Variants in PTPRN2 observed in about 807,000 individuals in gnomAD.
PTPRN2 encodes the protein protein tyrosine phosphatase receptor type N2, also known as receptor-type tyrosine-protein phosphatase N2.
Under a neutral mutation model 118.8 loss-of-function variants are expected in PTPRN2, and 74 were observed. The observed-to-expected ratio is 0.62, with a 90% CI of 0.52 to 0.76. The LOEUF (loss-of-function observed/expected upper bound fraction) is 0.76, where lower values mean the gene tolerates loss of function less well. Among genes scored for constraint, PTPRN2 ranks in the 30% least tolerant of loss-of-function variants. The pLI is 0.00. For synonymous variants in PTPRN2, 641 were observed against 608.0 expected, an observed-to-expected ratio of 1.05 and a Z score of -0.80; for missense variants, 1,481 against 1,394.4, an observed-to-expected ratio of 1.06 and a Z score of -0.99.
At chr7:157,888,058 G>GC (rs981748241) in intron 12 of PTPRN2, among the ~76,000 whole-genome samples, 13 of 43,212 alleles carry the variant, frequency 3.0e-4, no homozygotes, top group Middle Eastern at 0.018. Flanking sequence ...ACGCTGTCTT[G>GC]GGGGGTGTGA....
intron 12 of PTPRN2, among the ~76,000 whole-genome samples, chr7:157,828,265 G>A (rs1209236529): frequency 6.6e-6 from 1 of 152,234 alleles, no homozygotes; most frequent in African/African-American, 2.4e-5. Context: ...TGCCCCTGCT[G>A]TAGGCTGTAG....
intron 2 of PTPRN2, among the ~76,000 whole-genome samples, chr7:158,341,340 C>T (rs1219507487): frequency 4.0e-5 from 6 of 151,538 alleles, no homozygotes; most frequent in African/African-American, 1.2e-4. Flanking sequence ...CACACCCACA[C>T]TCTCACCATA....
intron 2 of PTPRN2, among the ~76,000 whole-genome samples, chr7:158,318,155 C>G (rs1204145830): frequency 6.6e-6 from 1 of 152,266 alleles, no homozygotes; most frequent in African/African-American, 2.4e-5. Context: ...CCGGCGCCCC[C>G]CACCGTCCGT....
At chr7:158,026,818 C>T (rs1015903329) in intron 11 of PTPRN2, among the ~76,000 whole-genome samples, 6 of 152,170 alleles carry the variant, frequency 3.9e-5, no homozygotes, top group African/African-American at 1.4e-4. Context: ...TGCAAGGAGG[C>T]CCCATCAAGA....
At chr7:158,558,989 G>C (rs1260765124) in intron 1 of PTPRN2, among the ~76,000 whole-genome samples, 2 of 152,102 alleles carry the variant, frequency 1.3e-5, no homozygotes, top group African/African-American at 2.4e-5. Flanking sequence ...GCAGCAGGGA[G>C]GGGCCACACT....
At chr7:158,054,310 GA>G (rs1420727630) in intron 11 of PTPRN2, among the ~76,000 whole-genome samples, 1 of 152,208 alleles carries the variant, frequency 6.6e-6, no homozygotes, top group Non-Finnish European at 1.5e-5. Context: ...AGACCAAGAA[GA>G]AAACTGCTGA....
intron 1 of PTPRN2, among the ~76,000 whole-genome samples, chr7:158,587,215 C>A (rs1829001309): frequency 7.7e-6 from 1 of 130,088 alleles, no homozygotes; most frequent in Non-Finnish European, 1.7e-5. Context: ...GGCGCCCCTT[C>A]CCCCACGCCC....
intron 3 of PTPRN2, among the ~76,000 whole-genome samples, chr7:158,280,640 C>T (rs566319836): frequency 7.2e-5 from 11 of 152,334 alleles, no homozygotes; most frequent in African/African-American, 1.7e-4. Context: ...GGGAGCCGGA[C>T]GGGTGCGGCC....
intron 2 of PTPRN2, among the ~76,000 whole-genome samples, chr7:158,447,984 C>T (rs1817844000): frequency 6.6e-6 from 1 of 152,242 alleles, no homozygotes; most frequent in Non-Finnish European, 1.5e-5. Flanking sequence ...TCATCGTCAG[C>T]CCGAGGATGC....
chr7:158,287,736 T>G (rs1232282590), intron 3 of PTPRN2, among the ~76,000 whole-genome samples: 5 of 152,170 alleles, frequency 3.3e-5, no homozygotes, highest in Non-Finnish European at 7.4e-5. Context: ...TGTGGCATAA[T>G]GTGATCTATC....
At chr7:157,775,594 C>T (rs777850121) in intron 12 of PTPRN2, among the ~76,000 whole-genome samples, 32 of 152,306 alleles carry the variant, frequency 2.1e-4, no homozygotes, top group East Asian at 3.9e-4. Context: ...CCTCGGGAGC[C>T]GGCGCTCACA....
At chr7:158,568,248 CTAATAA>C (rs746617021) in intron 1 of PTPRN2, among the ~76,000 whole-genome samples, 8 of 151,910 alleles carry the variant, frequency 5.3e-5, no homozygotes, top group African/African-American at 1.7e-4. Context: ...GAGACTCTGT[CTAATAA>C]TAATAATAAT....
chr7:157,782,389 G>A (rs1241204943), intron 12 of PTPRN2, among the ~76,000 whole-genome samples: 4 of 152,234 alleles, frequency 2.6e-5, no homozygotes, highest in Non-Finnish European at 5.9e-5. Context: ...GTCTGGGAGG[G>A]CCGGTTTGGC....
chr7:157,881,743 TA>T lies in PTPRN2; in HGVS notation c.1788+16929del, dbSNP rs34531048. Among the ~76,000 whole-genome samples the T allele has an allele frequency of 0.19, 28,438 of 146,150 alleles. 2,720 individuals carry two copies. The highest frequency in any genetic ancestry group is 0.28 in the South Asian group (1,276 of 4,612). On this transcript the variant is annotated intron_variant, in intron 12 of 22. Transcript: ENST00000389418. This position sits in a 1 kb window ranked among gnomAD's most constrained non-coding sequence, Gnocchi z 4.7. ...TGTTCTTTTTGCTTTATGATCTCATTAAAAAAAAAAAAATAGATTGGCACTT... is the reference window on the plus strand; with the variant it reads ...TGTTCTTTTTGCTTTATGATCTCATTAAAAAAAAAAAATAGATTGGCACTT...
At chr7:157,989,275 T>C (rs770709418) in intron 11 of PTPRN2, among the ~76,000 whole-genome samples, 25 of 151,944 alleles carry the variant, frequency 1.6e-4, no homozygotes, top group Non-Finnish European at 2.8e-4. Flanking sequence ...AAAGTTAAGC[T>C]AGGCGTGGTG....
chr7:158,074,206 C>T (rs1054583635), intron 11 of PTPRN2, among the ~76,000 whole-genome samples: 1 of 152,312 alleles, frequency 6.6e-6, no homozygotes, highest in Middle Eastern at 3.4e-3. Context: ...GGGTACAGGG[C>T]CTTCTGCTGG....
Position 157,903,915 on chromosome 7 carries a change from A to T in PTPRN2, c.1724-5178T>A, listed in dbSNP as rs1225356394. ...AGGACCACGTGGGAGCCTCTGAGCC[A>T]GCATGGCCCAGGTCTCAGCACACAG... On this transcript the variant is annotated intron_variant, in intron 11 of 22. Coordinates refer to ENST00000389418, the MANE Select transcript of PTPRN2 (RefSeq NM_002847.5). The surrounding 1 kb of genome is among the most constrained non-coding windows in gnomAD (Gnocchi z 4.2). Among the ~76,000 whole-genome samples the T allele has an allele frequency of 6.6e-6, 1 of 152,202 alleles. No individual in the cohort carries two copies. The highest frequency in any genetic ancestry group is 2.4e-5 in the African/African-American group (1 of 41,458).
intron 19 of PTPRN2, among the ~76,000 whole-genome samples, chr7:157,575,171 C>T (rs1000444994): frequency 1.3e-5 from 2 of 152,084 alleles, no homozygotes; most frequent in African/African-American, 4.8e-5. Flanking sequence ...ACTGGATGAA[C>T]GCAAAGACGG....
chr7:158,050,655 C>G (rs1359932214), intron 11 of PTPRN2, among the ~76,000 whole-genome samples: 1 of 152,206 alleles, frequency 6.6e-6, no homozygotes, highest in Non-Finnish European at 1.5e-5. Flanking sequence ...TCACGCTGAG[C>G]TCTGTGCTAG....
Sources: allele counts gnomAD v4.1 joint callset (sites outside exome capture counted in the v4.1 genomes callset), GRCh38; gene constraint gnomAD v4.1.1; non-coding constraint Gnocchi (gnomAD v3.1); transcripts MANE v1.5; gene names NCBI Gene and HGNC (gene_info 2026-07-23, HGNC 2026-07-21).